The following NTM variants were observed in gnomAD, a reference collection of about 807,000 sequenced individuals.
NTM encodes the protein neurotrimin.
In NTM, 13 loss-of-function variants were observed where a neutral mutation model predicts 42.1. The observed-to-expected ratio is 0.31, with a 90% CI of 0.20 to 0.49. The LOEUF is 0.49. Ranked by LOEUF, NTM falls within the 20% of genes least tolerant of loss-of-function variation. The pLI, the probability that NTM is intolerant of heterozygous loss-of-function variation, is 0.99. For synonymous variants in NTM, 187 were observed against 179.2 expected, an observed-to-expected ratio of 1.04 and a Z score of -0.35; for missense variants, 373 against 452.8, an observed-to-expected ratio of 0.82 and a Z score of 1.60.
At chr11:132,049,938 A>G (rs1250512454) in intron 2 of NTM, among the ~76,000 whole-genome samples, 1 of 152,102 alleles carries the variant, frequency 6.6e-6, no homozygotes, top group Non-Finnish European at 1.5e-5. Flanking sequence ...AGTTTTTGAT[A>G]CACAAAGATC....
intron 2 of NTM, among the ~76,000 whole-genome samples, chr11:132,105,942 C>G (rs2062319175): frequency 6.6e-6 from 1 of 152,192 alleles, no homozygotes; most frequent in Non-Finnish European, 1.5e-5. Context: ...CCTCCACCAG[C>G]CTGCCAAGTC....
chr11:131,493,100 T>G (rs1209184463), intron 1 of NTM, among the ~76,000 whole-genome samples: 1 of 151,922 alleles, frequency 6.6e-6, no homozygotes, highest in Non-Finnish European at 1.5e-5. Flanking sequence ...TGGTGGCACA[T>G]GTCTGTAGTC....
chr11:131,604,905 A>G (rs1348725169), intron 1 of NTM, among the ~76,000 whole-genome samples: 1 of 150,908 alleles, frequency 6.6e-6, no homozygotes, highest in Non-Finnish European at 1.5e-5. Flanking sequence ...ACTCTATTCT[A>G]TTTCATTGGT....
chr11:132,320,135 C>T (rs544654712), intron 7 of NTM, among the ~76,000 whole-genome samples: 2 of 152,178 alleles, frequency 1.3e-5, no homozygotes, highest in Non-Finnish European at 2.9e-5. Context: ...TCATCAAAGA[C>T]CAAAGGTAGA....
At chr11:131,718,711 C>T (rs1239862785) in intron 1 of NTM, among the ~76,000 whole-genome samples, 2 of 152,036 alleles carry the variant, frequency 1.3e-5, no homozygotes, top group East Asian at 1.9e-4. Flanking sequence ...GATTTCTCCT[C>T]CCCTGGTATT....
chr11:132,249,694 C>A (rs2091700820), intron 4 of NTM, among the ~76,000 whole-genome samples: 1 of 152,198 alleles, frequency 6.6e-6, no homozygotes, highest in African/African-American at 2.4e-5. Flanking sequence ...AAGTCAGGAT[C>A]CAGGATTTTC....
intron 1 of NTM, among the ~76,000 whole-genome samples, chr11:131,669,054 C>G (rs2069622952): frequency 6.6e-6 from 1 of 152,138 alleles, no homozygotes; most frequent in Non-Finnish European, 1.5e-5. Flanking sequence ...GGTTTTGTAC[C>G]AGGAAAGATG....
intron 3 of NTM, among the ~76,000 whole-genome samples, chr11:132,177,130 C>A (rs2076946320): frequency 6.6e-6 from 1 of 152,134 alleles, no homozygotes; most frequent in South Asian, 2.1e-4. Flanking sequence ...CAGTCTAAAG[C>A]TCAGCAAAGT....
intron 1 of NTM, among the ~76,000 whole-genome samples, chr11:131,865,768 C>A (rs566470724): frequency 6.6e-6 from 1 of 151,058 alleles, no homozygotes; most frequent in East Asian, 2.0e-4. Context: ...CACACACATG[C>A]TACATACACA....
chr11:131,812,461 G>T (rs971301751), intron 1 of NTM, among the ~76,000 whole-genome samples: 2 of 152,130 alleles, frequency 1.3e-5, no homozygotes, highest in Non-Finnish European at 2.9e-5. Context: ...TAATGACCAT[G>T]TGGCATTAGA....
intron 1 of NTM, among the ~76,000 whole-genome samples, chr11:131,404,238 T>G (rs1487533654): frequency 6.6e-6 from 1 of 152,200 alleles, no homozygotes. Flanking sequence ...CTAAAGCTAC[T>G]CTCATCAAGG....
intron 2 of NTM, among the ~76,000 whole-genome samples, chr11:132,112,833 G>A (rs2063404176): frequency 6.6e-6 from 1 of 151,838 alleles, no homozygotes; most frequent in Admixed American, 6.6e-5. Context: ...ATTCAGATTA[G>A]CTTTGAATGA....
chr11:132,144,879 T>C (rs2070021160), intron 2 of NTM, among the ~76,000 whole-genome samples: 2 of 152,224 alleles, frequency 1.3e-5, no homozygotes, highest in Non-Finnish European at 2.9e-5. Context: ...ACAAGAACTC[T>C]CAGCAAACTA....
At chr11:131,901,612 A>G (rs932211324) in intron 1 of NTM, among the ~76,000 whole-genome samples, 1 of 151,866 alleles carries the variant, frequency 6.6e-6, no homozygotes, top group East Asian at 1.9e-4. Context: ...ATGTCAATCT[A>G]CCCTTGATTT....
At chr11:132,060,285 A>G (rs1594221530) in intron 2 of NTM, among the ~76,000 whole-genome samples, 2 of 152,234 alleles carry the variant, frequency 1.3e-5, no homozygotes, top group East Asian at 3.8e-4. Flanking sequence ...GGAACGGGCA[A>G]TGAAATTGTG....
intron 4 of NTM, among the ~76,000 whole-genome samples, chr11:132,220,773 T>C (rs2084980841): frequency 6.6e-6 from 1 of 152,192 alleles, no homozygotes; most frequent in South Asian, 2.1e-4. Flanking sequence ...ACTGTCTTGA[T>C]GGAACAAATA....
At chr11:131,424,600 C>CTTTTTTTTTTTTTTTTTTTTTCT (rs769740331) in intron 1 of NTM, among the ~76,000 whole-genome samples, 1 of 56,052 alleles carries the variant, frequency 1.8e-5, no homozygotes, top group Non-Finnish European at 3.2e-5. Context: ...CTTTTCTTTT[C>CTTTTTTTTTTTTTTTTTTTTTCT]TTTTTTTTTT....
chr11:131,565,079 A>G (rs944223497), intron 1 of NTM, among the ~76,000 whole-genome samples: 1 of 152,166 alleles, frequency 6.6e-6, no homozygotes, highest in Non-Finnish European at 1.5e-5. Flanking sequence ...CCTGCATGAG[A>G]AGAACAGCAC....
intron 1 of NTM, among the ~76,000 whole-genome samples, chr11:131,776,492 A>G (rs2086997025): frequency 6.6e-6 from 1 of 152,114 alleles, no homozygotes; most frequent in East Asian, 1.9e-4. Context: ...CAAATGTTTC[A>G]CTACAGCAGA....
Sources: gnomAD v4.1 joint callset for allele counts (sites outside exome capture counted in the v4.1 genomes callset) on GRCh38, gnomAD v4.1.1 for gene constraint, MANE v1.5 for transcripts, NCBI Gene and HGNC (gene_info 2026-07-23, HGNC 2026-07-21) for gene names.